Variants in CTTNBP2 observed in about 807,000 individuals in gnomAD.
The protein encoded by CTTNBP2 is cortactin binding protein 2.
In CTTNBP2, 108 loss-of-function variants were observed where a neutral mutation model predicts 156.9. The observed-to-expected ratio is 0.69, with a 90% confidence interval of 0.59 to 0.81. The LOEUF (loss-of-function observed/expected upper bound fraction) is 0.81, where lower values mean the gene tolerates loss of function less well. Among genes scored for constraint, CTTNBP2 ranks in the 30% least tolerant of loss-of-function variants. CTTNBP2 has a pLI of 0.00. For synonymous variants in CTTNBP2, 767 were observed against 751.8 expected, an observed-to-expected ratio of 1.02 and a Z score of -0.33; for missense variants, 1,924 against 2,035.4, an observed-to-expected ratio of 0.95 and a Z score of 1.05.
Position 117,761,737 on chromosome 7 carries a change from A to G in CTTNBP2, c.2897-1027T>C, listed in dbSNP as rs534628934. Among the ~76,000 whole-genome samples the G allele has an allele frequency of 2.0e-5, 3 of 152,356 alleles. No individual in the cohort carries two copies. The East Asian group carries it at 5.8e-4, about 29-fold the overall frequency. The stretch of plus-strand genomic sequence containing the variant: ...AGCAGTCAAACATTAGAAATCATAG[A>G]TGATGCATCAAAGGTATGTTTTTTT... On this transcript the variant is annotated intron_variant, in intron 9 of 22. Coordinates refer to ENST00000160373, the MANE Select transcript of CTTNBP2 (RefSeq NM_033427.3).
At chr7:117,808,601 G>A (rs902743169) in intron 3 of CTTNBP2, among the ~76,000 whole-genome samples, 1 of 152,224 alleles carries the variant, frequency 6.6e-6, no homozygotes, top group African/African-American at 2.4e-5. Context: ...AAAGAGATAT[G>A]ACCGATGTCA....
chr7:117,826,401 C>T (rs188531441), intron 2 of CTTNBP2, among the ~76,000 whole-genome samples: 2 of 152,110 alleles, frequency 1.3e-5, no homozygotes, highest in East Asian at 3.9e-4. Context: ...TCAGTTCTAA[C>T]GTAAGTCAAA....
chr7:117,791,029 A>AC (rs1585009899), intron 4 of CTTNBP2, 99 bp downstream of exon 4: 2 of 1,042,764 alleles, frequency 1.9e-6, no homozygotes, highest in African/African-American at 3.2e-5. Context: ...GAAGCATCAA[A>AC]TTTAAAAAAA....
intron 14 of CTTNBP2, among the ~76,000 whole-genome samples, chr7:117,738,686 T>C (rs1795836235): frequency 6.6e-6 from 1 of 151,872 alleles, no homozygotes; most frequent in Non-Finnish European, 1.5e-5. Flanking sequence ...GAGGAGGTGG[T>C]GGTGATGGGT....
chr7:117,826,603 G>T (rs1321672913), intron 2 of CTTNBP2, among the ~76,000 whole-genome samples: 1 of 151,862 alleles, frequency 6.6e-6, no homozygotes, highest in Non-Finnish European at 1.5e-5. Flanking sequence ...CATATCCTTT[G>T]TTTTCTCAAG....
At chr7:117,765,733 T>C (rs968018709) in intron 9 of CTTNBP2, among the ~76,000 whole-genome samples, 4 of 152,212 alleles carry the variant, frequency 2.6e-5, no homozygotes, top group Non-Finnish European at 5.9e-5. Context: ...TTAAAACTTT[T>C]TGATGCTTGA....
At chr7:117,839,242 T>A (rs1584524461) in intron 2 of CTTNBP2, among the ~76,000 whole-genome samples, 1 of 152,316 alleles carries the variant, frequency 6.6e-6, no homozygotes, top group East Asian at 1.9e-4. Context: ...TACAACTATC[T>A]GAGTTTATAT....
intron 4 of CTTNBP2, among the ~76,000 whole-genome samples, chr7:117,785,817 C>A (rs1299183031): frequency 2.0e-5 from 3 of 152,184 alleles, no homozygotes; most frequent in Non-Finnish European, 4.4e-5. Context: ...GACTTTACAT[C>A]CTTTTGCATG....
intron 12 of CTTNBP2, among the ~76,000 whole-genome samples, chr7:117,756,211 G>A (rs567715200): frequency 1.3e-5 from 2 of 152,300 alleles, no homozygotes; most frequent in East Asian, 3.9e-4. Flanking sequence ...AAAGTTTATA[G>A]TAAGGCATCT....
Position 117,741,803 on chromosome 7 carries a change from A to G in CTTNBP2, c.3535+4028T>C, listed in dbSNP as rs945172795. On this transcript the variant is annotated intron_variant, in intron 14 of 22. Transcript: ENST00000160373. ...TGTCTTTCTAATCTTACTTCTTTCT[A>G]CCTCGACTCTAAGCAAGTTCTACTT... 2.6e-5 allele frequency among the ~76,000 whole-genome samples: 4 copies of G among 152,312 alleles called. No homozygotes were observed. The East Asian group carries it at 5.8e-4, about 22-fold the overall frequency.
chr7:117,718,145 C>A lies in CTTNBP2; in HGVS notation c.4645-26G>T. On this transcript the variant is annotated intron_variant, in intron 21 of 22. Transcript: ENST00000160373. ...CTAGAAAATACAGAATTTGCCCGGT[C>A]ATGTCTCCACAGTCACACTGTGCAT... 3 of 1,410,762 alleles carry A rather than the reference C, an allele frequency of 2.1e-6. No individual in the cohort carries two copies. In the South Asian group the frequency reaches 3.5e-5, roughly 16 times the overall value. The allele number at this position is 1,410,762 out of a possible 1,614,324, so 87.4% of individuals were successfully genotyped here.
chr7:117,751,250 G>A (rs910577992), intron 12 of CTTNBP2, among the ~76,000 whole-genome samples: 5 of 152,174 alleles, frequency 3.3e-5, no homozygotes, highest in Non-Finnish European at 5.9e-5. Flanking sequence ...TTTGCAGAGC[G>A]GTGGCATTTT....
chr7:117,827,674 G>T (rs1801369651), intron 2 of CTTNBP2, among the ~76,000 whole-genome samples: 1 of 152,116 alleles, frequency 6.6e-6, no homozygotes, highest in African/African-American at 2.4e-5. Context: ...CTTGAGAAAA[G>T]AAATGGGGAA....
chr7:117,862,091 C>G (rs1174359315), intron 1 of CTTNBP2, among the ~76,000 whole-genome samples: 1 of 152,080 alleles, frequency 6.6e-6, no homozygotes, highest in African/African-American at 2.4e-5. Flanking sequence ...AGTACAGGCA[C>G]ACGCACTTTT....
chr7:117,774,935 A>T (rs966165969), intron 8 of CTTNBP2, among the ~76,000 whole-genome samples: 3 of 152,188 alleles, frequency 2.0e-5, no homozygotes, highest in African/African-American at 7.2e-5. Context: ...TGGCCTTAAT[A>T]TCTTAGTTAT....
chr7:117,756,861 T>A (rs1293075252), intron 11 of CTTNBP2, among the ~76,000 whole-genome samples: 1 of 152,322 alleles, frequency 6.6e-6, no homozygotes, highest in East Asian at 1.9e-4. Flanking sequence ...AGCTCCCAGC[T>A]GTTCCTTCCT....
At chr7:117,854,560 A>G (rs1440589711) in intron 2 of CTTNBP2, among the ~76,000 whole-genome samples, 1 of 152,212 alleles carries the variant, frequency 6.6e-6, no homozygotes, top group African/African-American at 2.4e-5. Flanking sequence ...TTTGAAAAAT[A>G]AGGCATTTAA....
rs2116560837 is a variant in CTTNBP2, at chr7:117,746,013, C to T, written c.3435G>A (p.Lys1145=). 6.2e-7 allele frequency: 1 copy of T among 1,613,764 alleles called. No homozygotes were observed. Among genetic ancestry groups the T allele is most frequent in the Non-Finnish European group, 8.5e-7 (1 of 1,179,638 alleles). Residue 1145 remains lysine, a splice_region_variant and synonymous_variant, in exon 13 of 23, where the codon AAG becomes AAA. Coordinates refer to ENST00000160373, the MANE Select transcript of CTTNBP2 (RefSeq NM_033427.3). ...CAGCTGATATACAAGTAATCAATAC[C>T]TTCAGGCAGAGTGCAAGCTGATGTA... ...YIVHQLALCL[K]HRQMAAGFSC...
Position 117,735,074 on chromosome 7 carries a change from A to C in CTTNBP2, c.3715T>G (p.Phe1239Val), listed in dbSNP as rs765752389. The change falls in exon 16 of 23, where the codon TTT becomes GTT. Residue 1239 changes from phenylalanine to valine, a missense_variant. Phe to Val is a conservative substitution (Grantham distance 50). Coordinates refer to ENST00000160373, the MANE Select transcript of CTTNBP2 (RefSeq NM_033427.3). The part of the protein sequence containing the change: ...KGNGLSECYY[F>V]HENCFLMGTI... ...CCCATCAGAAAGCAGTTCTCATGAA[A>C]GTAATAACATTCGGACAGTCCATTT... 6.2e-7 allele frequency: 1 copy of C among 1,613,910 alleles called. No individual in the cohort carries two copies. Among genetic ancestry groups the C allele is most frequent in the East Asian group, 2.2e-5 (1 of 44,880 alleles).
Sources: gnomAD v4.1 joint callset for allele counts (sites outside exome capture counted in the v4.1 genomes callset) on GRCh38, gnomAD v4.1.1 for gene constraint, MANE v1.5 for transcripts, NCBI Gene and HGNC (gene_info 2026-07-23, HGNC 2026-07-21) for gene names.